CCDC178: variants seen among roughly 807,000 people sequenced by gnomAD.
The protein encoded by CCDC178 is coiled-coil domain containing 178.
In CCDC178, 126 loss-of-function variants were observed where a neutral mutation model predicts 117.4. The observed-to-expected ratio is 1.07, with a 90% CI of 0.93 to 1.24. The LOEUF (loss-of-function observed/expected upper bound fraction) is 1.24, where lower values mean the gene tolerates loss of function less well. Among genes scored for constraint, CCDC178 ranks in the 50% most tolerant of loss-of-function variants. The pLI, the probability that CCDC178 is intolerant of heterozygous loss-of-function variation, is 0.00. For missense variants in CCDC178, 1,030 were observed against 986.9 expected (o/e 1.04, Z -0.59); for synonymous variants, 283 against 313.4 (o/e 0.90, Z 1.02).
chr18:33,321,794 G>A lies in CCDC178; in HGVS notation c.1022+1697C>T, dbSNP rs57921635. ...TGTGGCAAATAGAGTAAGTTATGTG[G>A]TAGTTTATATCCAAATATGTTAGTG... On this transcript the variant is annotated intron_variant, in intron 11 of 22. Coordinates refer to ENST00000383096, the MANE Select transcript of CCDC178 (RefSeq NM_001105528.4). Among the ~76,000 whole-genome samples, 1,138 of 151,874 alleles carry A rather than the reference G, an allele frequency of 7.5e-3. 10 individuals are homozygous for A. The highest frequency in any genetic ancestry group is 0.026 in the African/African-American group (1,086 of 41,476).
chr18:33,188,051 A>G (rs1224455866), intron 20 of CCDC178, among the ~76,000 whole-genome samples: 3 of 152,134 alleles, frequency 2.0e-5, no homozygotes, highest in African/African-American at 7.2e-5. Flanking sequence ...TGACCTGGGG[A>G]AATATTCCAT....
In CCDC178 at chr18:33,134,262, C is replaced by A. The variant is rs2058100351; in HGVS notation, c.2239-41352G>T. On this transcript the variant is annotated intron_variant, in intron 20 of 22. Coordinates refer to ENST00000383096, the MANE Select transcript of CCDC178 (RefSeq NM_001105528.4). ...ATATTCATATTATGCTTAAGGAGTA[C>A]CTTTTCCATAATTTATGAATGTTCA... Among the ~76,000 whole-genome samples the A allele has an allele frequency of 2.6e-5, 4 of 151,764 alleles. No individual in the cohort carries two copies. In the South Asian group the frequency reaches 8.3e-4, roughly 31 times the overall value.
chr18:33,020,752 A>G (rs1286342622), intron 21 of CCDC178, among the ~76,000 whole-genome samples: 1 of 152,154 alleles, frequency 6.6e-6, no homozygotes, highest in Non-Finnish European at 1.5e-5. Context: ...CAGGTGGCCT[A>G]TGACAAACAA....
intron 15 of CCDC178, among the ~76,000 whole-genome samples, chr18:33,237,739 T>C (rs2059442107): frequency 6.6e-6 from 1 of 151,870 alleles, no homozygotes; most frequent in Non-Finnish European, 1.5e-5. Context: ...GCCTCTAGGT[T>C]GGCCAAGTGG....
intron 10 of CCDC178, among the ~76,000 whole-genome samples, chr18:33,328,292 G>A (rs917819944): frequency 1.2e-4 from 18 of 151,678 alleles, no homozygotes. Flanking sequence ...TAGTAGAAAC[G>A]GGGTTTCACC....
chr18:33,077,417 G>C (rs1387318520), intron 21 of CCDC178, among the ~76,000 whole-genome samples: 2 of 152,232 alleles, frequency 1.3e-5, no homozygotes, highest in East Asian at 3.9e-4. Flanking sequence ...TACTGAGGTA[G>C]CTGAGCTAAA....
In CCDC178 at chr18:33,361,749, T is replaced by C. The variant is rs1269283650; in HGVS notation, c.349-5403A>G. On this transcript the variant is annotated intron_variant, in intron 6 of 22. Coordinates refer to ENST00000383096, the MANE Select transcript of CCDC178 (RefSeq NM_001105528.4). ...AAGGAAATGCAAATTAAAACCACTATGAGATATCTTCTCACACACATAAGG... is the reference window on the plus strand; with the variant it reads ...AAGGAAATGCAAATTAAAACCACTACGAGATATCTTCTCACACACATAAGG... 3.3e-5 allele frequency among the ~76,000 whole-genome samples: 5 copies of C among 151,772 alleles called. No homozygotes were observed. In the Admixed American group the frequency reaches 3.3e-4, roughly 10 times the overall value.
intron 22 of CCDC178, among the ~76,000 whole-genome samples, chr18:32,959,262 T>C (rs913105523): frequency 1.3e-5 from 2 of 152,132 alleles, no homozygotes; most frequent in African/African-American, 4.8e-5. Context: ...TTTTCTCCTA[T>C]TGATAATATG....
intron 21 of CCDC178, among the ~76,000 whole-genome samples, chr18:33,080,425 A>G (rs1348536129): frequency 6.6e-6 from 1 of 152,154 alleles, no homozygotes; most frequent in South Asian, 2.1e-4. Context: ...ATAAAAGTTA[A>G]AAAAGAAAAG....
At chr18:33,356,909 G>A (rs983060642) in intron 6 of CCDC178, among the ~76,000 whole-genome samples, 1 of 151,930 alleles carries the variant, frequency 6.6e-6, no homozygotes, top group African/African-American at 2.4e-5. Flanking sequence ...TTTTTAGGGA[G>A]CCTGACACTT....
At chr18:33,364,211 G>A (rs989446473) in intron 6 of CCDC178, among the ~76,000 whole-genome samples, 4 of 152,086 alleles carry the variant, frequency 2.6e-5, no homozygotes, top group Non-Finnish European at 5.9e-5. Context: ...TTGTAACCAC[G>A]TAAATGCTTG....
At chr18:32,963,904 C>T (rs1404069358) in intron 22 of CCDC178, among the ~76,000 whole-genome samples, 1 of 152,032 alleles carries the variant, frequency 6.6e-6, no homozygotes. Context: ...TATTTTTCAA[C>T]TTAGCAGCAA....
chr18:33,003,583 T>C (rs1175754086), intron 21 of CCDC178, among the ~76,000 whole-genome samples: 2 of 152,126 alleles, frequency 1.3e-5, no homozygotes, highest in African/African-American at 4.8e-5. Context: ...AGTATCATAC[T>C]GATGGGGAAA....
chr18:32,960,355 A>G (rs1796795381), intron 22 of CCDC178, among the ~76,000 whole-genome samples: 1 of 152,140 alleles, frequency 6.6e-6, no homozygotes, highest in Admixed American at 6.6e-5. Context: ...TTAGAAACAG[A>G]GTGAGTGGAA....
chr18:33,119,955 T>C (rs968957198), intron 20 of CCDC178, among the ~76,000 whole-genome samples: 4 of 152,008 alleles, frequency 2.6e-5, no homozygotes, highest in African/African-American at 9.7e-5. Context: ...AAACACCGCT[T>C]GTTCTCACTT....
intron 10 of CCDC178, among the ~76,000 whole-genome samples, chr18:33,327,099 C>A (rs2062594502): frequency 6.6e-6 from 1 of 152,054 alleles, no homozygotes; most frequent in African/African-American, 2.4e-5. Flanking sequence ...CAAAACATGA[C>A]AAACAAAACT....
chr18:33,224,930 G>GTC lies in CCDC178; in HGVS notation c.1662_1663insGA (p.Leu555AspfsTer17), dbSNP rs1555665967. 2 of 1,472,212 alleles carry GTC rather than the reference G, an allele frequency of 1.4e-6. No individual in the cohort carries two copies. The highest frequency in any genetic ancestry group is 1.5e-5 in the South Asian group (1 of 66,652). 91.2% of individuals were successfully genotyped at this position (1,472,212 alleles called of 1,614,324 possible). ...GCCTGGACTTCGTAAATGGAATATAGTTTTTTCTGCCAGCAAAGATTTTAA... is the reference window on the plus strand; with the variant it reads ...GCCTGGACTTCGTAAATGGAATATAGTCTTTTTTCTGCCAGCAAAGATTTTAA... On this transcript the variant is annotated frameshift_variant, in exon 17 of 23. Coordinates refer to ENST00000383096, the MANE Select transcript of CCDC178 (RefSeq NM_001105528.4). LOFTEE classifies it high-confidence loss of function.
intron 20 of CCDC178, among the ~76,000 whole-genome samples, chr18:33,168,019 T>C (rs975726116): frequency 3.9e-5 from 6 of 152,312 alleles, no homozygotes; most frequent in Admixed American, 3.9e-4. Context: ...GCAAATATTT[T>C]CTCCAATCCT....
At chr18:33,109,939 T>C (rs2057758947) in intron 20 of CCDC178, among the ~76,000 whole-genome samples, 1 of 151,526 alleles carries the variant, frequency 6.6e-6, no homozygotes, top group African/African-American at 2.4e-5. Context: ...ATTAACATAT[T>C]TTGCTGCACA....
Sources: allele counts gnomAD v4.1 joint callset (sites outside exome capture counted in the v4.1 genomes callset), GRCh38; gene constraint gnomAD v4.1.1; transcripts MANE v1.5; gene names NCBI Gene and HGNC (gene_info 2026-07-23, HGNC 2026-07-21).